Variants in TDRD5 observed in about 807,000 individuals in gnomAD.
TDRD5 encodes tudor domain-containing protein 5.
A neutral mutation model predicts 120.6 loss-of-function variants in TDRD5; 41 were observed. That is an observed-to-expected ratio of 0.34 (90% CI 0.26 to 0.44). TDRD5 has a LOEUF of 0.44. TDRD5 is among the 20% of genes least tolerant of loss of function. The pLI is 1.00. For missense variants in TDRD5, 1,006 were observed against 1,221.2 expected, an observed-to-expected ratio of 0.82 and a Z score of 2.63; for synonymous variants, 430 against 433.7, an observed-to-expected ratio of 0.99 and a Z score of 0.11.
chr1:179,680,300 T>A (rs1034426694), intron 17 of TDRD5, among the ~76,000 whole-genome samples: 1 of 152,212 alleles, frequency 6.6e-6, no homozygotes, highest in African/African-American at 2.4e-5. Context: ...TTTCATAATA[T>A]CAAGTCAAGG....
At chr1:179,644,934 T>G (rs1330223597) in intron 11 of TDRD5, among the ~76,000 whole-genome samples, 1 of 152,058 alleles carries the variant, frequency 6.6e-6, no homozygotes, top group East Asian at 1.9e-4. Context: ...TTAGGTTATT[T>G]CTAACCTTTA....
chr1:179,632,261 G>A (rs1054618685), intron 7 of TDRD5, among the ~76,000 whole-genome samples: 1 of 152,070 alleles, frequency 6.6e-6, no homozygotes, highest in African/African-American at 2.4e-5. Flanking sequence ...TTCACATGGA[G>A]TTGTAAGAAA....
At chr1:179,629,280 C>T (rs1488413762) in intron 6 of TDRD5, among the ~76,000 whole-genome samples, 2 of 152,062 alleles carry the variant, frequency 1.3e-5, no homozygotes, top group African/African-American at 4.8e-5. Context: ...AGCTTATTCA[C>T]TTTAAAAACC....
intron 4 of TDRD5, among the ~76,000 whole-genome samples, chr1:179,617,140 C>T (rs936974147): frequency 6.6e-6 from 1 of 152,124 alleles, no homozygotes; most frequent in African/African-American, 2.4e-5. Flanking sequence ...CTAATCCTCT[C>T]CTTCCCAGAC....
At chr1:179,599,688 GTCTCTA>G (rs1407318207) in intron 4 of TDRD5, among the ~76,000 whole-genome samples, 1 of 151,962 alleles carries the variant, frequency 6.6e-6, no homozygotes, top group African/African-American at 2.4e-5. Context: ...CTCTTTATCT[GTCTCTA>G]TCTCTCTCAT....
At chr1:179,688,608 G>T (rs1315424440) in intron 17 of TDRD5, among the ~76,000 whole-genome samples, 2 of 152,188 alleles carry the variant, frequency 1.3e-5, no homozygotes, top group African/African-American at 4.8e-5. Flanking sequence ...CTAGGTTGGG[G>T]AAGTTCTCCT....
Position 179,675,279 on chromosome 1 carries a change from T to A in TDRD5, c.2860+5875T>A, listed in dbSNP as rs866040531. On this transcript the variant is annotated intron_variant, in intron 17 of 17. Transcript: ENST00000444136. The stretch of plus-strand genomic sequence containing the variant: ...TTTTATTATTATTATTATTATTTTT[T>A]TTTTTTTTTTTTTTTTTTGAGACGG... Among the ~76,000 whole-genome samples, 525 of 119,298 alleles carry A rather than the reference T, an allele frequency of 4.4e-3. 2 individuals are homozygous for A. The highest frequency in any genetic ancestry group is 0.016 in the African/African-American group (476 of 30,678). The allele number at this position is 119,298 out of a possible 152,430, so 78.3% of individuals were successfully genotyped here.
chr1:179,597,494 G>A (rs1171100251), intron 4 of TDRD5, among the ~76,000 whole-genome samples: 1 of 151,626 alleles, frequency 6.6e-6, no homozygotes, highest in Non-Finnish European at 1.5e-5. Flanking sequence ...ACCACACCTG[G>A]CTAATTTTTG....
At chr1:179,661,501 A>G (rs1460191258) in intron 14 of TDRD5, among the ~76,000 whole-genome samples, 3 of 152,074 alleles carry the variant, frequency 2.0e-5, no homozygotes, top group Non-Finnish European at 4.4e-5. Flanking sequence ...AAAGACAGCC[A>G]GGGATCTCAA....
At chr1:179,662,581 G>C (rs1679370142) in intron 15 of TDRD5, among the ~76,000 whole-genome samples, 1 of 151,952 alleles carries the variant, frequency 6.6e-6, no homozygotes, top group African/African-American at 2.4e-5. Flanking sequence ...TTGGGTGACA[G>C]AGTAAGACCC....
At chr1:179,688,964 T>G (rs902644439) in intron 17 of TDRD5, among the ~76,000 whole-genome samples, 4 of 152,188 alleles carry the variant, frequency 2.6e-5, no homozygotes, top group Middle Eastern at 3.2e-3. Flanking sequence ...TTTCAAGGTT[T>G]TTAGCTTCTT....
At chr1:179,624,173 G>A (rs1487518228) in intron 6 of TDRD5, among the ~76,000 whole-genome samples, 2 of 152,120 alleles carry the variant, frequency 1.3e-5, no homozygotes, top group Admixed American at 6.6e-5. Flanking sequence ...TAACAAGGAA[G>A]AAAAGCCATG....
intron 4 of TDRD5, among the ~76,000 whole-genome samples, chr1:179,610,812 T>C (rs1413887924): frequency 6.6e-6 from 1 of 152,142 alleles, no homozygotes; most frequent in Non-Finnish European, 1.5e-5. Context: ...AGACTTTTTT[T>C]CTATTTTTTT....
chr1:179,670,319 G>T (rs1288326737), intron 17 of TDRD5, among the ~76,000 whole-genome samples: 2 of 151,960 alleles, frequency 1.3e-5, no homozygotes, highest in African/African-American at 2.4e-5. Flanking sequence ...TTGAACCCAG[G>T]CGGCAGAGGT....
In TDRD5 at chr1:179,635,687, A is replaced by G; in HGVS notation, c.1320A>G (p.Ser440=). The change falls in exon 9 of 18, where the codon TCA becomes TCG. Residue 440 remains serine (S), a synonymous_variant. Transcript: ENST00000444136. ...TATAGCAAGTAGAAACAAACAAATC[A>G]GAGCTCAACTTGGCAATGGCAAATC... is the stretch of plus-strand genomic sequence containing the variant. ...PLQLQVETNK[S]ELNLAMANHD... is the part of the protein sequence containing the mutation. The G allele has an allele frequency of 6.2e-7, 1 of 1,614,016 alleles. No individual in the cohort carries two copies. Among genetic ancestry groups the G allele is most frequent in the East Asian group, 2.2e-5 (1 of 44,886 alleles).
At chr1:179,619,824 T>C (rs1676753786) in intron 5 of TDRD5, among the ~76,000 whole-genome samples, 1 of 152,106 alleles carries the variant, frequency 6.6e-6, no homozygotes, top group African/African-American at 2.4e-5. Context: ...TCTTGCTCTG[T>C]TGCCCAGGCC....
intron 4 of TDRD5, among the ~76,000 whole-genome samples, chr1:179,605,269 T>G (rs1427846799): frequency 1.3e-5 from 2 of 152,160 alleles, no homozygotes; most frequent in East Asian, 1.9e-4. Flanking sequence ...AGTCCTTATG[T>G]GTTAGGTGAG....
At chr1:179,647,528 G>T (rs1423380814) in intron 11 of TDRD5, among the ~76,000 whole-genome samples, 1 of 151,418 alleles carries the variant, frequency 6.6e-6, no homozygotes, top group Non-Finnish European at 1.5e-5. Flanking sequence ...TACCATTCAG[G>T]ACATAGGCAT....
At chr1:179,684,733 C>T (rs113535104) in intron 17 of TDRD5, among the ~76,000 whole-genome samples, 40 of 152,258 alleles carry the variant, frequency 2.6e-4, no homozygotes, top group African/African-American at 5.3e-4. Context: ...TTTGAATGAT[C>T]GCCATTCTAA....
Sources: gnomAD v4.1 joint callset for allele counts (sites outside exome capture counted in the v4.1 genomes callset) on GRCh38, gnomAD v4.1.1 for gene constraint, MANE v1.5 for transcripts, NCBI Gene and HGNC (gene_info 2026-07-23, HGNC 2026-07-21) for gene names.